KCNQ1: variants seen among roughly 807,000 people sequenced by gnomAD.
The protein encoded by KCNQ1 is potassium voltage-gated channel subfamily KQT member 1.
In KCNQ1, 49 loss-of-function variants were observed where a neutral mutation model predicts 72.4. The ratio of observed to expected loss-of-function variants is 0.68; its 90% CI spans 0.54 to 0.86. The LOEUF is 0.86. Among genes scored for constraint, KCNQ1 ranks in the 40% least tolerant of loss-of-function variants. The probability of loss-of-function intolerance (pLI) is 0.00; values close to 1 mark genes in which losing one functional copy is unlikely to be tolerated. For missense variants in KCNQ1, 790 were observed against 945.1 expected, an observed-to-expected ratio of 0.84 and a Z score of 2.15; for synonymous variants, 450 against 412.6, an observed-to-expected ratio of 1.09 and a Z score of -1.10.
chr11:2,798,267 C>G (rs919758362), intron 15 of KCNQ1, among the ~76,000 whole-genome samples: 2 of 152,280 alleles, frequency 1.3e-5, no homozygotes, highest in African/African-American at 4.8e-5. Context: ...CCCTCCTGGT[C>G]ACCTTTCGGC....
At chr11:2,555,491 C>A (rs1048112232) in intron 2 of KCNQ1, among the ~76,000 whole-genome samples, 2 of 152,200 alleles carry the variant, frequency 1.3e-5, no homozygotes, top group African/African-American at 4.8e-5. Flanking sequence ...GCCTGCCAGG[C>A]GGCTAATGGT....
chr11:2,594,252 T>G, intron 10 of KCNQ1, among the ~76,000 whole-genome samples: 1 of 152,232 alleles, frequency 6.6e-6, no homozygotes, highest in Non-Finnish European at 1.5e-5. Flanking sequence ...ACTCTGGAGC[T>G]GTAACACTGC....
rs996776515 is a variant in KCNQ1 at position 2,772,373 on chromosome 11, C to G, written c.1590+3454C>G. Reference sequence around the variant, plus strand: ...GAGCCTCTCCACCCTTCAAGTGTGCCTTGAACTCCCTGTCCACCATCAGTC... The same window carrying G: ...GAGCCTCTCCACCCTTCAAGTGTGCGTTGAACTCCCTGTCCACCATCAGTC... On this transcript the variant is annotated intron_variant, in intron 12 of 15. Coordinates refer to ENST00000155840, the MANE Select transcript of KCNQ1 (RefSeq NM_000218.3). The surrounding 1 kb of genome is among the most constrained non-coding windows in gnomAD (Gnocchi z 6.6). Among the ~76,000 whole-genome samples, 1 of 152,116 alleles carries G rather than the reference C, an allele frequency of 6.6e-6. No homozygotes were observed. The highest frequency in any genetic ancestry group is 1.5e-5 in the Non-Finnish European group (1 of 68,016).
At chr11:2,640,398 T>C in intron 10 of KCNQ1, 1 of 398,628 alleles carries the variant, frequency 2.5e-6, no homozygotes, top group Non-Finnish European at 4.4e-6. Context: ...TCATTCTCCA[T>C]CCTTGACCCC....
Position 2,710,543 on chromosome 11 carries a change from A to G in KCNQ1, c.1514+48462A>G, listed in dbSNP as rs751284771. 2.0e-5 allele frequency among the ~76,000 whole-genome samples: 3 copies of G among 152,220 alleles called. No individual in the cohort carries two copies. Among genetic ancestry groups the G allele is most frequent in the Admixed American group, 1.3e-4 (2 of 15,286 alleles). On this transcript the variant is annotated intron_variant, in intron 11 of 15. Coordinates refer to ENST00000155840, the MANE Select transcript of KCNQ1 (RefSeq NM_000218.3). This position sits in a 1 kb window ranked among gnomAD's most constrained non-coding sequence, Gnocchi z 4.1. Reference sequence around the variant, plus strand: ...TATGTTTTTGGTGTCATAACTAAATAACAACATGTAATCTGAGGTCAAAAA... The same window carrying G: ...TATGTTTTTGGTGTCATAACTAAATGACAACATGTAATCTGAGGTCAAAAA...
Position 2,677,805 on chromosome 11 carries a change from T to A in KCNQ1, c.1514+15724T>A, listed in dbSNP as rs977319486. The A allele has an allele frequency of 2.5e-6, 1 of 398,590 alleles. No homozygotes were observed. The highest frequency in any genetic ancestry group is 4.4e-6 in the Non-Finnish European group (1 of 226,046). The allele number at this position is 398,590 out of a possible 1,614,324, so 24.7% of individuals were successfully genotyped here. ...CCCCATTTCCAGCAGGATTAAAATG[T>A]TCATTTATGTTGTGATAGATACTGC... On this transcript the variant is annotated intron_variant, in intron 11 of 15. Transcript: ENST00000155840. The surrounding 1 kb of genome is among the most constrained non-coding windows in gnomAD (Gnocchi z 4.5).
At chr11:2,789,124 C>A (rs1408673369) in intron 15 of KCNQ1, among the ~76,000 whole-genome samples, 1 of 152,198 alleles carries the variant, frequency 6.6e-6, no homozygotes, top group Non-Finnish European at 1.5e-5. Context: ...GAACCGCAGC[C>A]CAGCTCTGCC....
In KCNQ1 at chr11:2,550,481, G is replaced by A. The variant is rs1467058832; in HGVS notation, c.478-20147G>A. On this transcript the variant is annotated intron_variant, in intron 2 of 15. Coordinates refer to ENST00000155840, the MANE Select transcript of KCNQ1 (RefSeq NM_000218.3). The surrounding 1 kb of genome is among the most constrained non-coding windows in gnomAD (Gnocchi z 6.0). ...CTAGGCAGCTCCATGCGCGGGCCCC[G>A]GAGCTGGAAAGCAGCCAAGGGCACT... is the stretch of plus-strand genomic sequence containing the variant. Among the ~76,000 whole-genome samples the A allele has an allele frequency of 6.6e-6, 1 of 152,190 alleles. No individual in the cohort carries two copies. Among genetic ancestry groups the A allele is most frequent in the Non-Finnish European group, 1.5e-5 (1 of 68,028 alleles).
At chr11:2,534,444 C>T (rs1246833800) in intron 2 of KCNQ1, among the ~76,000 whole-genome samples, 1 of 152,242 alleles carries the variant, frequency 6.6e-6, no homozygotes, top group Admixed American at 6.5e-5. Context: ...TCAGGATTTT[C>T]CTCCACCCAC....
intron 15 of KCNQ1, among the ~76,000 whole-genome samples, chr11:2,844,521 C>T (rs1049913910): frequency 1.3e-5 from 2 of 152,208 alleles, no homozygotes; most frequent in Admixed American, 6.5e-5. Flanking sequence ...CAGTGTCCGT[C>T]GGAGGCAAGC....
chr11:2,631,046 A>C (rs1405698400), intron 10 of KCNQ1: 2 of 398,454 alleles, frequency 5.0e-6, no homozygotes, highest in African/African-American at 4.1e-5. Context: ...ATGGCAATAT[A>C]TCTAGGTGAA....
chr11:2,580,064 T>C (rs1316993562), intron 6 of KCNQ1, among the ~76,000 whole-genome samples: 2 of 152,190 alleles, frequency 1.3e-5, no homozygotes, highest in African/African-American at 4.8e-5. Flanking sequence ...TAAAATAATT[T>C]AATGTTGTTA....
At position 2,765,143 on chromosome 11, in the gene KCNQ1, C is replaced by G. The variant is rs1417065189; in HGVS notation, c.1515-3701C>G. ...AAAGCCACGAGGTTCACTGTCTGTG[C>G]TTATTTCACTGTACTTTCAGTACCT... On this transcript the variant is annotated intron_variant, in intron 11 of 15. Coordinates refer to ENST00000155840, the MANE Select transcript of KCNQ1 (RefSeq NM_000218.3). Among the ~76,000 whole-genome samples the G allele has an allele frequency of 3.3e-5, 5 of 152,276 alleles. No individual in the cohort carries two copies. In the East Asian group the frequency reaches 9.6e-4, roughly 29 times the overall value.
At chr11:2,709,693 G>C (rs1251698302) in intron 11 of KCNQ1, among the ~76,000 whole-genome samples, 2 of 151,954 alleles carry the variant, frequency 1.3e-5, no homozygotes. Flanking sequence ...CTATCTCCAC[G>C]GGTTTGCCTG....
chr11:2,778,468 C>T (rs1846754393), intron 15 of KCNQ1, among the ~76,000 whole-genome samples: 1 of 152,188 alleles, frequency 6.6e-6, no homozygotes, highest in Non-Finnish European at 1.5e-5. Flanking sequence ...GCCGAGGGCT[C>T]AGGGAGGTGC....
rs940648072 is a variant in KCNQ1, at chr11:2,677,968, C to T, written c.1514+15887C>T. 2 of 398,348 alleles carry T rather than the reference C, an allele frequency of 5.0e-6. No individual in the cohort carries two copies. Among genetic ancestry groups the T allele is most frequent in the African/African-American group, 4.1e-5 (2 of 48,604 alleles). 24.7% of individuals were successfully genotyped at this position (398,348 alleles called of 1,614,324 possible). ...AATGGTACACTGGAGCTTTAATTTA[C>T]ATTTCTTTTGTTGGAAATGAGGTTT... On this transcript the variant is annotated intron_variant, in intron 11 of 15. Coordinates refer to ENST00000155840, the MANE Select transcript of KCNQ1 (RefSeq NM_000218.3). The surrounding 1 kb of genome is among the most constrained non-coding windows in gnomAD (Gnocchi z 4.5).
intron 11 of KCNQ1, chr11:2,688,384 A>C (rs1042239039): frequency 2.5e-6 from 1 of 398,610 alleles, no homozygotes; most frequent in Non-Finnish European, 4.4e-6. Flanking sequence ...AGGTTTCAAT[A>C]ACTGCCATCC....
intron 10 of KCNQ1, chr11:2,655,455 C>T (rs2133848084): frequency 2.5e-6 from 1 of 398,672 alleles, no homozygotes; most frequent in African/African-American, 2.1e-5. Context: ...CAAAGGGCAC[C>T]TGGCATTGCT....
In KCNQ1 at chr11:2,478,627, A is replaced by G. The variant is rs746526456; in HGVS notation, c.386+33143A>G. Among the ~76,000 whole-genome samples, 32 of 152,204 alleles carry G rather than the reference A, an allele frequency of 2.1e-4. No individual in the cohort carries two copies. Among genetic ancestry groups the G allele is most frequent in the Non-Finnish European group, 2.8e-4 (19 of 68,034 alleles). On this transcript the variant is annotated intron_variant, in intron 1 of 15. Transcript: ENST00000155840. This position sits in a 1 kb window ranked among gnomAD's most constrained non-coding sequence, Gnocchi z 4.0. Reference sequence around the variant, plus strand: ...AATTATCTCCCACGAGGTCCCTCCCATGACACGTGGGAATTATGGGAGCTA... The same window carrying G: ...AATTATCTCCCACGAGGTCCCTCCCGTGACACGTGGGAATTATGGGAGCTA...
Sources: gnomAD v4.1 joint callset for allele counts (sites outside exome capture counted in the v4.1 genomes callset) on GRCh38, gnomAD v4.1.1 for gene constraint, Gnocchi (gnomAD v3.1) non-coding constraint, MANE v1.5 for transcripts, NCBI Gene and HGNC (gene_info 2026-07-23, HGNC 2026-07-21) for gene names.